The following PDE3B variants were observed in gnomAD, a reference collection of about 807,000 sequenced individuals.
The protein encoded by PDE3B is cGMP-inhibited 3',5'-cyclic phosphodiesterase 3B.
A neutral mutation model predicts 116.8 loss-of-function variants in PDE3B; 66 were observed. That is an observed-to-expected ratio of 0.56 (90% CI 0.46 to 0.69). The LOEUF (loss-of-function observed/expected upper bound fraction) is 0.69, where lower values mean the gene tolerates loss of function less well. PDE3B is among the 30% of genes least tolerant of loss of function. The pLI, the probability that PDE3B is intolerant of heterozygous loss-of-function variation, is 0.00. For synonymous variants in PDE3B, 595 were observed against 533.6 expected (o/e 1.12, Z -1.59); for missense variants, 1,384 against 1,368.1 (o/e 1.01, Z -0.18).
In PDE3B at chr11:14,703,368, G is replaced by T. The variant is rs188881979; in HGVS notation, c.978+58315G>T. ...AGAAGTATAAAGAAAAAATATGCTTGCAATTCATATAGTGCTGGGATAAAT... is the reference window on the plus strand; with the variant it reads ...AGAAGTATAAAGAAAAAATATGCTTTCAATTCATATAGTGCTGGGATAAAT... On this transcript the variant is annotated intron_variant, in intron 1 of 15. Coordinates refer to ENST00000282096, the MANE Select transcript of PDE3B (RefSeq NM_000922.4). Among the ~76,000 whole-genome samples the T allele has an allele frequency of 3.3e-5, 5 of 151,228 alleles. No individual in the cohort carries two copies. The East Asian group carries it at 9.7e-4, about 29-fold the overall frequency.
In PDE3B at chr11:14,871,783, C is replaced by G. The variant is rs1848145497; in HGVS notation, c.*2123C>G. The G allele has an allele frequency of 6.6e-6, 1 of 152,060 alleles. No individual in the cohort carries two copies. 9.4% of individuals were successfully genotyped at this position (152,060 alleles called of 1,614,324 possible). ...AAAAAGTATCTCTCCCGAGCTGAAA[C>G]TTAAAAATTCGTAAGTGTAAGAAAG... On this transcript the variant is annotated 3_prime_UTR_variant, in exon 16 of 16. Transcript: ENST00000282096.
At chr11:14,655,566 G>GA (rs1394104574) in intron 1 of PDE3B, among the ~76,000 whole-genome samples, 2 of 152,074 alleles carry the variant, frequency 1.3e-5, no homozygotes, top group East Asian at 3.8e-4. Flanking sequence ...TATCCCTAAG[G>GA]AGTTTATATC....
intron 1 of PDE3B, among the ~76,000 whole-genome samples, chr11:14,664,837 T>C (rs1854073897): frequency 6.6e-6 from 1 of 152,010 alleles, no homozygotes; most frequent in South Asian, 2.1e-4. Flanking sequence ...ATACCAGAGG[T>C]ACAAGGAGGA....
At chr11:14,691,582 A>C (rs557578357) in intron 1 of PDE3B, among the ~76,000 whole-genome samples, 1 of 152,310 alleles carries the variant, frequency 6.6e-6, no homozygotes, top group South Asian at 2.1e-4. Context: ...TAACTCATCA[A>C]AATGTATTGA....
chr11:14,880,091 C>T, the PDE3B span: 36 of 1,603,266 alleles, frequency 2.2e-5, no homozygotes, highest in African/African-American at 2.6e-4. Flanking sequence ...ATGTATGAAC[C>T]CTACATGTAA....
At chr11:14,748,544 C>T (rs1223719680) in intron 1 of PDE3B, among the ~76,000 whole-genome samples, 1 of 152,146 alleles carries the variant, frequency 6.6e-6, no homozygotes, top group Admixed American at 6.5e-5. Flanking sequence ...TTAACATAGA[C>T]ATGAGCTAAA....
intron 1 of PDE3B, among the ~76,000 whole-genome samples, chr11:14,717,328 CA>C (rs1855934433): frequency 8.1e-6 from 1 of 122,706 alleles, no homozygotes; most frequent in South Asian, 3.1e-4. Flanking sequence ...AGAATGGAAC[CA>C]AGTTGGAAAA....
At chr11:14,840,130 G>T (rs1860176942) in intron 11 of PDE3B, among the ~76,000 whole-genome samples, 1 of 152,176 alleles carries the variant, frequency 6.6e-6, no homozygotes, top group Admixed American at 6.5e-5. Flanking sequence ...AAATTACTCT[G>T]CCATTTTTCC....
chr11:14,818,221 C>T lies in PDE3B; in HGVS notation c.1561C>T (p.His521Tyr), dbSNP rs770684084. The stretch of plus-strand genomic sequence containing the variant: ...TCTGAGTCCTGTGAATTCTTCCAAC[C>T]ATGGACCAGTGTCTACTGGCTCTCT... ...SSLSPVNSSN[H>Y]GPVSTGSLTN... Residue 521 changes from histidine to tyrosine, a missense_variant, in exon 6 of 16, where the codon CAT (histidine) becomes TAT (tyrosine). Physicochemically the swap from His to Tyr is moderately conservative, Grantham distance 83. Around this residue, in one of 2 missense-constraint regions of PDE3B, gnomAD observed 956 missense variants for 806.8 expected, o/e 1.18. Coordinates refer to ENST00000282096, the MANE Select transcript of PDE3B (RefSeq NM_000922.4). 6.2e-7 allele frequency: 1 copy of T among 1,613,418 alleles called. No individual in the cohort carries two copies. Among genetic ancestry groups the T allele is most frequent in the Non-Finnish European group, 8.5e-7 (1 of 1,179,550 alleles).
intron 1 of PDE3B, among the ~76,000 whole-genome samples, chr11:14,651,416 T>A (rs924789014): frequency 6.6e-6 from 1 of 152,168 alleles, no homozygotes; most frequent in Non-Finnish European, 1.5e-5. Context: ...CTCAACATAT[T>A]TTTTTGGGGC....
chr11:14,759,548 GT>G (rs1212052756), intron 1 of PDE3B, among the ~76,000 whole-genome samples: 251 of 129,166 alleles, frequency 1.9e-3, no homozygotes, highest in South Asian at 2.8e-3. Flanking sequence ...ATCAGAAGTA[GT>G]TTTTTTTTTT....
At chr11:14,815,970 C>CACACAT (rs1554999072) in intron 5 of PDE3B, among the ~76,000 whole-genome samples, 38 of 151,546 alleles carry the variant, frequency 2.5e-4, no homozygotes, top group Middle Eastern at 3.4e-3. Context: ...CACACACACA[C>CACACAT]GCAGAGAAAG....
intron 9 of PDE3B, 116 bp downstream of exon 9, chr11:14,831,893 TA>T (rs1222649306): frequency 1.6e-5 from 10 of 621,260 alleles, no homozygotes; most frequent in Non-Finnish European, 1.9e-5. Flanking sequence ...CATTGTTCAT[TA>T]TTTTTTTCAG....
intron 1 of PDE3B, among the ~76,000 whole-genome samples, chr11:14,770,142 A>C (rs562793290): frequency 7.9e-4 from 120 of 151,542 alleles, no homozygotes; most frequent in African/African-American, 2.6e-3. Flanking sequence ...CAGTTAAAAA[A>C]GTTAGCAGAC....
chr11:14,808,057 C>T (rs1446351398), intron 5 of PDE3B, among the ~76,000 whole-genome samples: 1 of 142,226 alleles, frequency 7.0e-6, no homozygotes, highest in Non-Finnish European at 1.5e-5. Context: ...GAGCCTTCGT[C>T]TCAAAAAAAA....
chr11:14,886,788 G>A, the PDE3B span: 1 of 152,254 alleles, frequency 6.6e-6, no homozygotes, highest in Non-Finnish European at 1.5e-5. Context: ...GTGCAAACAA[G>A]TCAAGGAGAT....
intron 5 of PDE3B, among the ~76,000 whole-genome samples, chr11:14,817,652 A>G (rs1481946454): frequency 2.0e-5 from 3 of 152,120 alleles, no homozygotes; most frequent in South Asian, 4.1e-4. Context: ...CAGAGGATCA[A>G]TTGAACCCAG....
At chr11:14,671,629 G>T (rs751322656) in intron 1 of PDE3B, among the ~76,000 whole-genome samples, 6 of 152,156 alleles carry the variant, frequency 3.9e-5, no homozygotes, top group Non-Finnish European at 7.4e-5. Flanking sequence ...GTGGAAGCAG[G>T]AAGATAGGAG....
In PDE3B at chr11:14,869,889, C is replaced by T. The variant is rs1193325324; in HGVS notation, c.*229C>T. On this transcript the variant is annotated 3_prime_UTR_variant, in exon 16 of 16. Transcript: ENST00000282096. ...AACCAAAAATACCATCCGTGTTGAC[C>T]CATGTTGCAGAGCCCTTACTTAAAT... is the stretch of plus-strand genomic sequence containing the variant. 4 of 433,186 alleles carry T rather than the reference C, an allele frequency of 9.2e-6. No individual in the cohort carries two copies. Among genetic ancestry groups the T allele is most frequent in the Non-Finnish European group, 1.6e-5 (4 of 243,182 alleles). The allele number at this position is 433,186 out of a possible 1,614,324, so 26.8% of individuals were successfully genotyped here. A position where few individuals can be genotyped will look rare whatever the true frequency, so the allele number is the denominator to read the frequency against.
Sources: gnomAD v4.1 joint callset for allele counts (sites outside exome capture counted in the v4.1 genomes callset) on GRCh38, gnomAD v4.1.1 for gene constraint, gnomAD v4.1.1 regional missense constraint, MANE v1.5 for transcripts, NCBI Gene and HGNC (gene_info 2026-07-23, HGNC 2026-07-21) for gene names.